TUBB8: variants seen among roughly 807,000 people sequenced by gnomAD.
The protein encoded by TUBB8 is tubulin beta 8 class VIII.
A neutral mutation model predicts 33.7 loss-of-function variants in TUBB8; 25 were observed. The ratio of observed to expected loss-of-function variants is 0.74; its 90% CI spans 0.54 to 1.04. The LOEUF (loss-of-function observed/expected upper bound fraction) is 1.04. Among genes scored for constraint, TUBB8 ranks in the 50% least tolerant of loss-of-function variants. The pLI, the probability that TUBB8 is intolerant of heterozygous loss-of-function variation, is 0.00. For missense variants in TUBB8, 279 were observed against 608.0 expected, an observed-to-expected ratio of 0.46 and a Z score of 5.69; for synonymous variants, 245 against 240.1, an observed-to-expected ratio of 1.02 and a Z score of -0.19.
chr10:73,292 C>T (rs1331119391), intron 1 of TUBB8, among the ~76,000 whole-genome samples: 3 of 152,194 alleles, frequency 2.0e-5, no homozygotes, highest in Admixed American at 1.3e-4. Context: ...TGATAATGTG[C>T]CTACTTTTCC....
At chr10:70,838 G>A (rs1458075934) in intron 1 of TUBB8, among the ~76,000 whole-genome samples, 4 of 151,656 alleles carry the variant, frequency 2.6e-5, no homozygotes, top group South Asian at 2.1e-4. Context: ...GCAGAACCCC[G>A]TCTCAAAAAA....
chr10:63,124 A>C (rs1269722293), intron 1 of TUBB8, among the ~76,000 whole-genome samples: 1 of 151,672 alleles, frequency 6.6e-6, no homozygotes, highest in Non-Finnish European at 1.5e-5. Context: ...CCCAGGCTGG[A>C]GTGCAATGGC....
chr10:67,160 T>G (rs1344040533), intron 1 of TUBB8, among the ~76,000 whole-genome samples: 3 of 151,354 alleles, frequency 2.0e-5, no homozygotes, highest in Non-Finnish European at 4.4e-5. Context: ...GTTGTTTTTT[T>G]TTTTTTGACA....
chr10:54,839 A>G (rs1231066140), intron 1 of TUBB8, among the ~76,000 whole-genome samples: 5 of 152,032 alleles, frequency 3.3e-5, no homozygotes, highest in Non-Finnish European at 7.4e-5. Flanking sequence ...GTTCACTGCA[A>G]CCTCCACCTC....
intron 1 of TUBB8, among the ~76,000 whole-genome samples, chr10:69,723 C>A (rs1182587739): frequency 1.3e-5 from 2 of 152,142 alleles, no homozygotes; most frequent in African/African-American, 4.8e-5. Flanking sequence ...GGCAAAACCT[C>A]ATCTCTACAA....
upstream of TUBB8, chr10:49,403 C>T (rs1487383553): frequency 4.0e-6 from 3 of 743,920 alleles, no homozygotes; most frequent in African/African-American, 5.2e-5. Context: ...CACAGGTGCA[C>T]CCACCTGTGG....
At chr10:65,169 T>C (rs1554741425) in intron 1 of TUBB8, among the ~76,000 whole-genome samples, 1 of 152,174 alleles carries the variant, frequency 6.6e-6, no homozygotes, top group Non-Finnish European at 1.5e-5. Context: ...TGATATTTAC[T>C]GTTGACAAAG....
chr10:53,379 TGG>T (rs1834492334), upstream of TUBB8, among the ~76,000 whole-genome samples: 3 of 152,334 alleles, frequency 2.0e-5, no homozygotes, highest in South Asian at 6.2e-4. Context: ...CTGCCCACCT[TGG>T]CCTCCCAAAT....
chr10:51,379 A>G (rs1159724369), upstream of TUBB8, among the ~76,000 whole-genome samples: 2 of 152,016 alleles, frequency 1.3e-5, no homozygotes, highest in Non-Finnish European at 2.9e-5. Flanking sequence ...AAGTGCTGGG[A>G]TTACAGCTGA....
In TUBB8 at chr10:61,193, T is replaced by G. The variant is rs186356675; in HGVS notation, c.-845-10960A>C. ...ATACATATGTAACTAACCTACACAA[T>G]GTGCACATGTACCCTAAAACTTAAA... On this transcript the variant is annotated intron_variant, in intron 1 of 3. Coordinates refer to the TUBB8 transcript ENST00000564130. Among the ~76,000 whole-genome samples the G allele has an allele frequency of 5.1e-3, 769 of 152,036 alleles. 4 individuals are homozygous for G. Among genetic ancestry groups the G allele is most frequent in the African/African-American group, 0.017 (724 of 41,482 alleles).
chr10:76,066 G>C (rs553387576), upstream of TUBB8, among the ~76,000 whole-genome samples: 50 of 151,162 alleles, frequency 3.3e-4, no homozygotes, highest in South Asian at 9.8e-3. Flanking sequence ...TTGAACCCGG[G>C]AGGCGGAGGT....
chr10:74,866 ATTT>A (rs573408150), upstream of TUBB8, among the ~76,000 whole-genome samples: 34 of 115,814 alleles, frequency 2.9e-4, no homozygotes, highest in African/African-American at 1.1e-3. Flanking sequence ...GTCTGTGCCA[ATTT>A]TTTTTTTTTT....
chr10:66,213 G>T (rs1254884195), intron 1 of TUBB8, among the ~76,000 whole-genome samples: 3 of 152,224 alleles, frequency 2.0e-5, no homozygotes, highest in Admixed American at 6.5e-5. Flanking sequence ...ACAGATCACA[G>T]GAGCTATCTT....
upstream of TUBB8, among the ~76,000 whole-genome samples, chr10:51,960 CGGA>C (rs2131816769): frequency 6.6e-6 from 1 of 152,260 alleles, no homozygotes; most frequent in African/African-American, 2.4e-5. Flanking sequence ...TACTGCAAAA[CGGA>C]GGCGGTGAGC....
chr10:65,234 A>G (rs118127722), intron 1 of TUBB8, among the ~76,000 whole-genome samples: 3,717 of 152,196 alleles, frequency 0.024, 41 homozygotes, highest in Middle Eastern at 0.068. Context: ...AGACCTCATC[A>G]TACTCTTCCC....
At chr10:72,254 T>TAAAAAAAA (rs34999592) in intron 1 of TUBB8, among the ~76,000 whole-genome samples, 1 of 125,250 alleles carries the variant, frequency 8.0e-6, no homozygotes, top group African/African-American at 3.0e-5. Context: ...TTTTTTTAAT[T>TAAAAAAAA]AAAAAAAAAA....
intron 1 of TUBB8, among the ~76,000 whole-genome samples, chr10:58,793 T>C (rs1335221519): frequency 6.6e-6 from 1 of 152,244 alleles, no homozygotes; most frequent in African/African-American, 2.4e-5. Context: ...AAATATGAGA[T>C]TTGGGAGGGG....
chr10:73,323 C>T (rs1834762123), intron 1 of TUBB8, among the ~76,000 whole-genome samples: 1 of 152,180 alleles, frequency 6.6e-6, no homozygotes, highest in Non-Finnish European at 1.5e-5. Context: ...GTTGTTTCTA[C>T]TATGTTAACA....
chr10:53,991 A>G (rs1834499961), upstream of TUBB8, among the ~76,000 whole-genome samples: 1 of 151,982 alleles, frequency 6.6e-6, no homozygotes, highest in Admixed American at 6.6e-5. Flanking sequence ...GTAATACACA[A>G]TAAAAAACAG....
Sources: gnomAD v4.1 joint callset for allele counts (sites outside exome capture counted in the v4.1 genomes callset) on GRCh38, gnomAD v4.1.1 for gene constraint, MANE v1.5 for transcripts, NCBI Gene and HGNC (gene_info 2026-07-23, HGNC 2026-07-21) for gene names.